The following PHF21A variants were observed in gnomAD, a reference collection of about 807,000 sequenced individuals.
PHF21A encodes PHD finger protein 21A.
A neutral mutation model predicts 82.5 loss-of-function variants in PHF21A; 11 were observed. The observed-to-expected ratio is 0.13, with a 90% CI of 0.08 to 0.22. The LOEUF (loss-of-function observed/expected upper bound fraction) is 0.22. PHF21A is among the 10% of genes least tolerant of loss of function. The pLI is 1.00. For synonymous variants in PHF21A, 297 were observed against 302.8 expected, an observed-to-expected ratio of 0.98 and a Z score of 0.20; for missense variants, 579 against 837.8, an observed-to-expected ratio of 0.69 and a Z score of 3.81.
chr11:45,983,862 C>T (rs2094397327), intron 6 of PHF21A, among the ~76,000 whole-genome samples: 1 of 152,092 alleles, frequency 6.6e-6, no homozygotes, highest in Non-Finnish European at 1.5e-5. Context: ...TGGTATCATC[C>T]AAGGTTCTCA....
At chr11:45,966,305 T>C (rs752233590) in intron 9 of PHF21A, among the ~76,000 whole-genome samples, 2 of 152,190 alleles carry the variant, frequency 1.3e-5, no homozygotes, top group African/African-American at 4.8e-5. Context: ...CAATTTCTTC[T>C]TCCAATCTTC....
intron 6 of PHF21A, among the ~76,000 whole-genome samples, chr11:46,013,450 T>C (rs1348433417): frequency 2.0e-5 from 3 of 152,174 alleles, no homozygotes; most frequent in African/African-American, 7.2e-5. Context: ...AGAGTAGTGA[T>C]GTAATATTTT....
chr11:46,025,784 AT>A (rs879603071), intron 6 of PHF21A, among the ~76,000 whole-genome samples: 1 of 152,204 alleles, frequency 6.6e-6, no homozygotes, highest in Non-Finnish European at 1.5e-5. Flanking sequence ...TTTGCAAGTC[AT>A]AGGCATAATA....
At chr11:46,116,427 A>C (rs1196312880) in intron 1 of PHF21A, among the ~76,000 whole-genome samples, 10 of 152,228 alleles carry the variant, frequency 6.6e-5, no homozygotes, top group Admixed American at 6.5e-4. Flanking sequence ...TACTCTGTCA[A>C]TAAGAGTCTA....
chr11:46,013,261 A>G (rs1050805611), intron 6 of PHF21A, among the ~76,000 whole-genome samples: 20 of 152,150 alleles, frequency 1.3e-4, no homozygotes, highest in South Asian at 2.1e-4. Flanking sequence ...AAAATAATCC[A>G]TAAGTTTTAA....
chr11:45,952,351 C>A (rs2135538236), intron 11 of PHF21A, among the ~76,000 whole-genome samples: 1 of 152,252 alleles, frequency 6.6e-6, no homozygotes, highest in East Asian at 1.9e-4. Flanking sequence ...AAGTGATCCT[C>A]CCACCTCAGC....
At chr11:45,989,247 TTTTG>T (rs2094593621) in intron 6 of PHF21A, among the ~76,000 whole-genome samples, 1 of 152,168 alleles carries the variant, frequency 6.6e-6, no homozygotes. Context: ...ACACATTTGC[TTTTG>T]TTTGTTTTAA....
intron 6 of PHF21A, among the ~76,000 whole-genome samples, chr11:46,052,498 G>A (rs951002754): frequency 1.3e-5 from 2 of 151,510 alleles, no homozygotes; most frequent in African/African-American, 4.9e-5. Flanking sequence ...CAACCTCACT[G>A]CCTATCAGTT....
At chr11:46,036,593 A>G (rs1485134470) in intron 6 of PHF21A, among the ~76,000 whole-genome samples, 1 of 152,214 alleles carries the variant, frequency 6.6e-6, no homozygotes, top group Non-Finnish European at 1.5e-5. Context: ...GTCCCTAAGT[A>G]AAAGTAAAGG....
chr11:45,934,124 G>A lies in PHF21A; in HGVS notation c.1890C>T (p.Asp630=). The A allele has an allele frequency of 1.9e-6, 3 of 1,614,172 alleles. No individual in the cohort carries two copies. The highest frequency in any genetic ancestry group is 1.7e-4 in the Middle Eastern group (1 of 6,060). ...CCTCAGAGTCTACAGGTTTGGAGAG[G>A]TCGATGCCGTGGATGAGGCGAATCA... ...KQLIRLIHGI[D]LSKPVDSEAT... The change falls in exon 19 of 19, where the codon GAC becomes GAT. Residue 630 remains aspartate (D), a synonymous_variant. Transcript: ENST00000676320.
At chr11:46,070,617 C>T (rs1158242081) in intron 6 of PHF21A, among the ~76,000 whole-genome samples, 4 of 152,076 alleles carry the variant, frequency 2.6e-5, no homozygotes, top group African/African-American at 9.7e-5. Context: ...AGCCGTGAGC[C>T]ACCGCACCCA....
intron 9 of PHF21A, among the ~76,000 whole-genome samples, chr11:45,967,472 C>G (rs1223238947): frequency 6.6e-6 from 1 of 152,084 alleles, no homozygotes; most frequent in Non-Finnish European, 1.5e-5. Context: ...ATAACTTGGG[C>G]ACATCCATTG....
intron 10 of PHF21A, among the ~76,000 whole-genome samples, chr11:45,954,608 G>A (rs538160468): frequency 1.3e-5 from 2 of 152,134 alleles, no homozygotes; most frequent in Admixed American, 6.5e-5. Context: ...AACACAAAAG[G>A]TAGCTAGCAT....
intron 6 of PHF21A, among the ~76,000 whole-genome samples, chr11:46,021,784 T>C (rs1023466938): frequency 1.3e-5 from 2 of 152,144 alleles, no homozygotes; most frequent in African/African-American, 4.8e-5. Context: ...CTCCTGGCTT[T>C]AAGCAAACCT....
intron 6 of PHF21A, among the ~76,000 whole-genome samples, chr11:46,045,561 A>G (rs1278355139): frequency 6.6e-6 from 1 of 152,192 alleles, no homozygotes; most frequent in East Asian, 1.9e-4. Flanking sequence ...AGCTTCTAAA[A>G]TTAGCATTTT....
chr11:46,042,816 G>A (rs867508697), intron 6 of PHF21A, among the ~76,000 whole-genome samples: 3 of 151,894 alleles, frequency 2.0e-5, no homozygotes, highest in South Asian at 2.1e-4. Context: ...ACAGCAAGAA[G>A]GTGCTATCTA....
intron 1 of PHF21A, among the ~76,000 whole-genome samples, chr11:46,093,232 C>T (rs930993381): frequency 1.3e-5 from 2 of 152,140 alleles, no homozygotes; most frequent in African/African-American, 4.8e-5. Flanking sequence ...TATTTAAACT[C>T]CACTATATGC....
intron 1 of PHF21A, among the ~76,000 whole-genome samples, chr11:46,101,615 A>G (rs1565999003): frequency 6.6e-6 from 1 of 152,178 alleles, no homozygotes; most frequent in Non-Finnish European, 1.5e-5. Context: ...AATGCCTGGT[A>G]TAGATCTTAG....
At chr11:46,033,871 G>C (rs2095922577) in intron 6 of PHF21A, among the ~76,000 whole-genome samples, 1 of 152,162 alleles carries the variant, frequency 6.6e-6, no homozygotes, top group South Asian at 2.1e-4. Flanking sequence ...TGCTGCTCTA[G>C]AGTATATATC....
Sources: allele counts gnomAD v4.1 joint callset (sites outside exome capture counted in the v4.1 genomes callset), GRCh38; gene constraint gnomAD v4.1.1; transcripts MANE v1.5; gene names NCBI Gene and HGNC (gene_info 2026-07-23, HGNC 2026-07-21).